The following SIK3 variants were observed in gnomAD, a reference collection of about 807,000 sequenced individuals.
SIK3 encodes SIK family kinase 3, also known as serine/threonine-protein kinase SIK3.
SIK3 carries 28 observed loss-of-function variants against 144.2 expected under a neutral mutation model. That is an observed-to-expected ratio of 0.19 (90% CI 0.14 to 0.27). SIK3 has a LOEUF of 0.27. Among genes scored for constraint, SIK3 ranks in the 10% least tolerant of loss-of-function variants. The pLI is 1.00. For missense variants in SIK3, 1,319 were observed against 1,776.0 expected, an observed-to-expected ratio of 0.74 and a Z score of 4.62; for synonymous variants, 686 against 676.3, an observed-to-expected ratio of 1.01 and a Z score of -0.22.
chr11:116,855,397 G>A (rs2134359045), intron 21 of SIK3: 1 of 152,286 alleles, frequency 6.6e-6, no homozygotes, highest in South Asian at 2.1e-4. Context: ...CTCCTCTGGT[G>A]CGCCCACAGC....
At chr11:117,093,631 T>C (rs1224406932) in intron 1 of SIK3, among the ~76,000 whole-genome samples, 1 of 151,576 alleles carries the variant, frequency 6.6e-6, no homozygotes, top group Non-Finnish European at 1.5e-5. Flanking sequence ...CAAAAGCCAG[T>C]GTTGGTCACA....
At chr11:117,013,950 G>GTTTTTTTTTTTTTTT (rs1591536602) in intron 1 of SIK3, among the ~76,000 whole-genome samples, 2 of 40,922 alleles carry the variant, frequency 4.9e-5, no homozygotes, top group Non-Finnish European at 1.3e-4. Flanking sequence ...GTGTGTGTGT[G>GTTTTTTTTTTTTTTT]TTTTATTTCT....
At chr11:117,023,610 A>AAC (rs1555131651) in intron 1 of SIK3, among the ~76,000 whole-genome samples, 2 of 25,800 alleles carry the variant, frequency 7.8e-5, no homozygotes, top group Non-Finnish European at 1.5e-4. Flanking sequence ...ACAAACAAAC[A>AAC]AAAAAAAAAA....
At chr11:117,026,507 C>T (rs1952016860) in intron 1 of SIK3, among the ~76,000 whole-genome samples, 1 of 152,046 alleles carries the variant, frequency 6.6e-6, no homozygotes, top group Non-Finnish European at 1.5e-5. Context: ...TATTGACATG[C>T]TGAAGAAAAC....
chr11:116,859,379 CTGA>C lies in SIK3; in HGVS notation c.2648_2650del (p.Ile883del), dbSNP rs1183010549. On this transcript the variant is annotated inframe_deletion, in exon 20 of 25. Transcript: ENST00000445177. ...CATCTGCATCTGACCAGCACTGGGG[CTGA>C]TGGAGATGCCGCGCCCACTGGAGCC... is the stretch of plus-strand genomic sequence containing the variant. 3 of 1,614,074 alleles carry C rather than the reference CTGA, an allele frequency of 1.9e-6. No individual in the cohort carries two copies. The highest frequency in any genetic ancestry group is 2.5e-6 in the Non-Finnish European group (3 of 1,180,050).
intron 6 of SIK3, among the ~76,000 whole-genome samples, chr11:116,895,560 C>G (rs1426693924): frequency 1.3e-5 from 2 of 152,146 alleles, no homozygotes; most frequent in Non-Finnish European, 2.9e-5. Flanking sequence ...AAAATGAAAA[C>G]AGATGATTAA....
Position 116,957,034 on chromosome 11 carries a change from G to T in SIK3, c.304C>A (p.Leu102Met), listed in dbSNP as rs750335192. The part of the protein sequence containing the change: ...VAIKIIDKTQ[L>M]DEENLKKIFR... ...ATCTTCTTCAAGTTTTCTTCATCCA[G>T]CTGGGTCTTATCTATGATCTTGATA... Residue 102 changes from leucine (L) to methionine (M), a missense_variant, in exon 2 of 25, where the codon CTG (leucine) becomes ATG (methionine). This residue lies in a region of SIK3 where 125 missense variants were observed against 285.2 expected (regional missense o/e 0.44). Coordinates refer to ENST00000445177, the MANE Select transcript of SIK3 (RefSeq NM_001366686.3). 19 of 1,609,682 alleles carry T rather than the reference G, an allele frequency of 1.2e-5. No individual in the cohort carries two copies. Among genetic ancestry groups the T allele is most frequent in the Non-Finnish European group, 1.5e-5 (18 of 1,178,730 alleles).
chr11:116,945,088 T>G (rs1948515254), intron 3 of SIK3, among the ~76,000 whole-genome samples: 1 of 151,968 alleles, frequency 6.6e-6, no homozygotes. Context: ...GCCTCCTGAG[T>G]AGCTGGGACT....
chr11:117,084,124 A>C (rs1954904445), intron 1 of SIK3, among the ~76,000 whole-genome samples: 1 of 152,190 alleles, frequency 6.6e-6, no homozygotes, highest in Non-Finnish European at 1.5e-5. Flanking sequence ...TCACTCAACC[A>C]ACCTGCCAAA....
intron 1 of SIK3, among the ~76,000 whole-genome samples, chr11:117,052,449 T>C (rs1427042252): frequency 2.0e-5 from 3 of 152,194 alleles, no homozygotes; most frequent in Non-Finnish European, 4.4e-5. Context: ...AAGAGTTTAA[T>C]ACCCTGAAAT....
At chr11:117,012,130 C>A (rs1218926031) in intron 1 of SIK3, among the ~76,000 whole-genome samples, 2 of 152,014 alleles carry the variant, frequency 1.3e-5, no homozygotes, top group African/African-American at 4.8e-5. Flanking sequence ...TGTACCCCCA[C>A]ACCTGGCTAA....
chr11:116,870,299 G>A (rs1943899866), intron 14 of SIK3, 32 bp downstream of exon 14: 1 of 1,613,874 alleles, frequency 6.2e-7, no homozygotes, highest in South Asian at 1.1e-5. Context: ...CTGCCCAGGG[G>A]CTTCTGCAAG....
intron 4 of SIK3, among the ~76,000 whole-genome samples, chr11:116,910,763 T>C (rs959423092): frequency 1.3e-5 from 2 of 150,588 alleles, no homozygotes; most frequent in Non-Finnish European, 1.5e-5. Context: ...GCTGGTGAAA[T>C]ATAAAGGAAA....
At chr11:116,882,930 T>A (rs1760315009) in intron 6 of SIK3, among the ~76,000 whole-genome samples, 1 of 152,244 alleles carries the variant, frequency 6.6e-6, no homozygotes, top group Non-Finnish European at 1.5e-5. Context: ...AATTGGCGAT[T>A]AAATCTCTGA....
At chr11:117,054,729 G>C (rs559134204) in intron 1 of SIK3, among the ~76,000 whole-genome samples, 1 of 152,064 alleles carries the variant, frequency 6.6e-6, no homozygotes, top group Non-Finnish European at 1.5e-5. Flanking sequence ...AAGAATTCAA[G>C]ACCAGCTTAG....
intron 1 of SIK3, among the ~76,000 whole-genome samples, chr11:117,036,373 G>A (rs1952504895): frequency 6.6e-6 from 1 of 152,172 alleles, no homozygotes; most frequent in South Asian, 2.1e-4. Flanking sequence ...ACCTAAAGGA[G>A]AGTCAGCATT....
chr11:117,096,769 G>A (rs1955493277), intron 1 of SIK3, among the ~76,000 whole-genome samples: 1 of 152,142 alleles, frequency 6.6e-6, no homozygotes, highest in South Asian at 2.1e-4. Flanking sequence ...AGGAACTTCA[G>A]GTTGCAAGTG....
At chr11:116,981,085 C>CA (rs1950124545) in intron 1 of SIK3, among the ~76,000 whole-genome samples, 1 of 152,142 alleles carries the variant, frequency 6.6e-6, no homozygotes, top group South Asian at 2.1e-4. Context: ...AGTTACCTGT[C>CA]AATCGATGCA....
At chr11:116,890,744 T>C (rs1945056322) in intron 6 of SIK3, among the ~76,000 whole-genome samples, 1 of 151,922 alleles carries the variant, frequency 6.6e-6, no homozygotes, top group African/African-American at 2.4e-5. Context: ...CAGGAGTGGG[T>C]GGAGTGGGGT....
Sources: allele counts gnomAD v4.1 joint callset (sites outside exome capture counted in the v4.1 genomes callset), GRCh38; gene constraint gnomAD v4.1.1; regional missense constraint gnomAD v4.1.1; transcripts MANE v1.5; gene names NCBI Gene and HGNC (gene_info 2026-07-23, HGNC 2026-07-21).